The following TTN variants were observed in gnomAD, a reference collection of about 807,000 sequenced individuals.
TTN encodes the protein connectin.
Under a neutral mutation model 3,223.0 loss-of-function variants are expected in TTN, and 1,525 were observed. The observed-to-expected ratio is 0.47, with a 90% CI of 0.45 to 0.49. TTN has a LOEUF of 0.49. Among genes scored for constraint, TTN ranks in the 20% least tolerant of loss-of-function variants. The pLI is 0.00. For synonymous variants in TTN, 14,094 were observed against 15,161.0 expected, an observed-to-expected ratio of 0.93 and a Z score of 5.17; for missense variants, 40,786 against 43,424.0, an observed-to-expected ratio of 0.94 and a Z score of 5.40.
Position 178,598,836 on chromosome 2 carries a change from G to C in TTN, c.56874C>G (p.Asp18958Glu). The C allele has an allele frequency of 1.2e-6, 2 of 1,613,296 alleles. No homozygotes were observed. The highest frequency in any genetic ancestry group is 1.7e-6 in the Non-Finnish European group (2 of 1,179,494). Residue 18958 changes from aspartate (D) to glutamate (E), a missense_variant, in exon 291 of 363, where the codon GAC (aspartate) becomes GAG (glutamate). Transcript: ENST00000589042. ...YKVTGLIEGSDYQFRVYAINA... is the reference protein window; with the variant it reads ...YKVTGLIEGSEYQFRVYAINA... ...TGATTGCATATACCCGGAATTGATA[G>C]TCGGAACCTTCAATAAGACCAGTCA...
intron 18 of TTN, 51 bp from the exon 19 acceptor site, chr2:178,782,653 G>A: frequency 6.2e-7 from 1 of 1,608,248 alleles, no homozygotes; most frequent in South Asian, 1.1e-5. Context: ...AGTGACCCCT[G>A]CTTAGCACTG....
At position 178,586,589 on chromosome 2, in the gene TTN, T is replaced by C; in HGVS notation, c.64312A>G (p.Lys21438Glu). 6.2e-7 allele frequency: 1 copy of C among 1,613,264 alleles called. No homozygotes were observed. Among genetic ancestry groups the C allele is most frequent in the Non-Finnish European group, 8.5e-7 (1 of 1,179,428 alleles). Residue 21438 changes from lysine to glutamate, a missense_variant, in exon 308 of 363, where the codon AAA becomes GAA. Lys to Glu is a moderately conservative substitution (Grantham distance 56). Coordinates refer to ENST00000589042, the MANE Select transcript of TTN (RefSeq NM_001267550.2). ...VTGLKEGKKY[K>E]FRVAARNAVG... is the part of the protein sequence containing the mutation. Reference sequence around the variant, plus strand: ...GCATTTCTGGCCGCTACTCTAAATTTGTATTTCTTTCCTTCCTTTAGGCCA... The same window carrying C: ...GCATTTCTGGCCGCTACTCTAAATTCGTATTTCTTTCCTTCCTTTAGGCCA...
Position 178,649,603 on chromosome 2 carries a change from TG to T in TTN, c.39923del (p.Pro13308GlnfsTer2). The T allele has an allele frequency of 6.5e-7, 1 of 1,550,286 alleles. No homozygotes were observed. Among genetic ancestry groups the T allele is most frequent in the Non-Finnish European group, 8.7e-7 (1 of 1,146,626 alleles). Reference protein sequence around the residue: ...KEPEMPKKVVPVKKVPTVKKP... With the variant: ...KEPEMPKKVVXVKKVPTVKKP... ...TCTTAACAGTTGGGACCTTCTTCACTGGAACAACTTTCTTTGGCATCTCAGG... is the reference window on the plus strand; with the variant it reads ...TCTTAACAGTTGGGACCTTCTTCACTGAACAACTTTCTTTGGCATCTCAGG... On this transcript the variant is annotated frameshift_variant, in exon 212 of 363. Coordinates refer to ENST00000589042, the MANE Select transcript of TTN (RefSeq NM_001267550.2). LOFTEE classifies it high-confidence loss of function.
chr2:178,567,804 T>G lies in TTN; in HGVS notation c.78328A>C (p.Thr26110Pro). 1 of 1,613,556 alleles carries G rather than the reference T, an allele frequency of 6.2e-7. No individual in the cohort carries two copies. Among genetic ancestry groups the G allele is most frequent in the Non-Finnish European group, 8.5e-7 (1 of 1,179,592 alleles). ...CTTCCACCATCATACACAGGTTTGG[T>G]CCACTGTAAAGTGATTTCATTTCTT... Reference protein sequence around the residue: ...VKRNEITLQWTKPVYDGGSMI... With the variant: ...VKRNEITLQWPKPVYDGGSMI... Residue 26110 changes from threonine (T) to proline (P), a missense_variant, in exon 326 of 363, where the codon ACC becomes CCC. Thr to Pro is a conservative substitution (Grantham distance 38). Coordinates refer to ENST00000589042, the MANE Select transcript of TTN (RefSeq NM_001267550.2).
In TTN at chr2:178,543,217, A is replaced by G. The variant is rs752935152; in HGVS notation, c.96756T>C (p.Val32252=). 5 of 1,613,752 alleles carry G rather than the reference A, an allele frequency of 3.1e-6. No individual in the cohort carries two copies. Among genetic ancestry groups the G allele is most frequent in the Non-Finnish European group, 3.4e-6 (4 of 1,179,766 alleles). ...CTAGGACTGTGGGTTTTAAGGTGAC[A>G]ACCTTCATCCATCTCTCTGTGCCAG... is the stretch of plus-strand genomic sequence containing the variant. The part of the protein sequence containing the change: ...CKAGTERWMK[V]VTLKPTVLEH... The change falls in exon 347 of 363, where the codon GTT becomes GTC. Residue 32252 remains valine (V), a synonymous_variant. Coordinates refer to ENST00000589042, the MANE Select transcript of TTN (RefSeq NM_001267550.2).
rs371452173 is a variant in TTN, at chr2:178,689,077, C to T, written c.32071G>A (p.Ala10691Thr). ...EEKVAVPVPVAKKAPPPRAEV... is the reference protein window; with the variant it reads ...EEKVAVPVPVTKKAPPPRAEV... ...CCTCGGGGAGGAGGAGCTTTCTTAG[C>T]GACAGGAACTGGCACTGCAACTTTC... Residue 10691 changes from alanine to threonine, a missense_variant, in exon 125 of 363, where the codon GCT becomes ACT. Physicochemically the swap from Ala to Thr is moderately conservative, Grantham distance 58. Transcript: ENST00000589042. The T allele has an allele frequency of 5.3e-5, 85 of 1,603,502 alleles. No individual in the cohort carries two copies. In the African/African-American group the frequency reaches 6.6e-4, roughly 12 times the overall value.
Position 178,614,252 on chromosome 2 carries a change from T to C in TTN, c.49145A>G (p.Lys16382Arg). The change falls in exon 262 of 363, where the codon AAG (lysine) becomes AGG (arginine). Residue 16382 changes from lysine to arginine, a missense_variant. Lys to Arg is a conservative substitution (Grantham distance 26). Transcript: ENST00000589042. ...TCTCTCCACAACATAGTTTGTGATC[T>C]TAGATCCACCATCATCGCGTGGTGG... ...WNPPRDDGGSKITNYVVERRA... is the reference protein window; with the variant it reads ...WNPPRDDGGSRITNYVVERRA... 4 of 1,612,672 alleles carry C rather than the reference T, an allele frequency of 2.5e-6. No individual in the cohort carries two copies. The highest frequency in any genetic ancestry group is 2.5e-6 in the Non-Finnish European group (3 of 1,179,284).
At position 178,741,963 on chromosome 2, in the gene TTN, A is replaced by C. The variant is rs775397210; in HGVS notation, c.11312-42T>G. On this transcript the variant is annotated intron_variant, in intron 47 of 362. Transcript: ENST00000589042. Reference sequence around the variant, plus strand: ...GATTATTATTTTACTATAAAATTTTATTTAATATAAAAATAGAAATCAAAG... The same window carrying C: ...GATTATTATTTTACTATAAAATTTTCTTTAATATAAAAATAGAAATCAAAG... 2.3e-6 allele frequency: 3 copies of C among 1,293,886 alleles called. No individual in the cohort carries two copies. The South Asian group carries it at 7.3e-5, about 32-fold the overall frequency. The allele number at this position is 1,293,886 out of a possible 1,614,324, so 80.2% of individuals were successfully genotyped here. A position where few individuals can be genotyped will look rare whatever the true frequency, so the allele number is the denominator to read the frequency against.
At position 178,551,607 on chromosome 2, in the gene TTN, G is replaced by C. The variant is rs1054931064; in HGVS notation, c.91270+23C>G. On this transcript the variant is annotated intron_variant, in intron 335 of 362. Coordinates refer to ENST00000589042, the MANE Select transcript of TTN (RefSeq NM_001267550.2). ...AATATGTTCAATTGCTAAACTAAAT[G>C]TATTTGAATAATAATCACTTACCTA... 2.0e-6 allele frequency: 3 copies of C among 1,525,544 alleles called. No individual in the cohort carries two copies. In the African/African-American group the frequency reaches 4.2e-5, roughly 21 times the overall value. The allele number at this position is 1,525,544 out of a possible 1,614,324, so 94.5% of individuals were successfully genotyped here.
rs1212401338 is a variant in TTN at position 178,599,176 on chromosome 2, T to C, written c.56617A>G (p.Ser18873Gly). 2.7e-6 allele frequency: 4 copies of C among 1,506,686 alleles called. No individual in the cohort carries two copies. In the East Asian group the frequency reaches 6.9e-5, roughly 26 times the overall value. 93.3% of individuals were successfully genotyped at this position (1,506,686 alleles called of 1,614,324 possible). ...AGGTTTCTTGCTGTTTCAGGTTCACTGTCAAGAGGTTCTCCAATGCCATAT... is the reference window on the plus strand; with the variant it reads ...AGGTTTCTTGCTGTTTCAGGTTCACCGTCAAGAGGTTCTCCAATGCCATAT... ...NKYGIGEPLD[S>G]EPETARNLFS... Residue 18873 changes from serine (S) to glycine (G), a missense_variant, in exon 290 of 363, where the codon AGT (serine) becomes GGT (glycine). By Grantham distance (56) the Ser-to-Gly change is moderately conservative. Coordinates refer to ENST00000589042, the MANE Select transcript of TTN (RefSeq NM_001267550.2).
At position 178,635,067 on chromosome 2, in the gene TTN, C is replaced by T. The variant is rs1018572490; in HGVS notation, c.42024+98G>A. ...GAGACTTTAGAAGACTCCATTAACT[C>T]CATTATTATTAAAGCAACCCGAATC... On this transcript the variant is annotated intron_variant, in intron 228 of 362. Transcript: ENST00000589042. 1.1e-5 allele frequency: 17 copies of T among 1,528,384 alleles called. No homozygotes were observed. In the African/African-American group the frequency reaches 2.1e-4, roughly 19 times the overall value. 94.7% of individuals were successfully genotyped at this position (1,528,384 alleles called of 1,614,324 possible).
chr2:178,800,249 T>C (rs2093989824), intron 4 of TTN, 146 bp downstream of exon 4: 1 of 1,070,858 alleles, frequency 9.3e-7, no homozygotes, highest in South Asian at 1.5e-5. Context: ...CTCAGGGACT[T>C]TTCATGGGTG....
intron 20 of TTN, 100 bp downstream of exon 20, chr2:178,782,112 A>G (rs1430498988): frequency 2.9e-6 from 4 of 1,371,298 alleles, no homozygotes; most frequent in Admixed American, 1.8e-5. Context: ...ACAATGAAAG[A>G]GCCTATGCTC....
Position 178,609,048 on chromosome 2 carries a change from C to G in TTN, c.52103-140G>C, listed in dbSNP as rs1386476337. 5 of 1,297,206 alleles carry G rather than the reference C, an allele frequency of 3.9e-6. No homozygotes were observed. In the African/African-American group the frequency reaches 6.0e-5, roughly 15 times the overall value. 80.4% of individuals were successfully genotyped at this position (1,297,206 alleles called of 1,614,324 possible). ...TTGTATTCCATTAGCTAATAAATAA[C>G]AAGATCAGGTGATTTCTTTTACATG... On this transcript the variant is annotated intron_variant, in intron 273 of 362. Coordinates refer to ENST00000589042, the MANE Select transcript of TTN (RefSeq NM_001267550.2).
chr2:178,634,249 A>G lies in TTN; in HGVS notation c.42415+117T>C, dbSNP rs1271713710. 2.7e-6 allele frequency: 4 copies of G among 1,488,694 alleles called. No homozygotes were observed. The highest frequency in any genetic ancestry group is 2.8e-5 in the African/African-American group (2 of 70,552). 92.2% of individuals were successfully genotyped at this position (1,488,694 alleles called of 1,614,324 possible). A position where few individuals can be genotyped will look rare whatever the true frequency, so the allele number is the denominator to read the frequency against. Reference sequence around the variant, plus strand: ...AATTAAGGGGGGTTGTTTTGGTAACACTGTGAAAGTTAATTAGTGATGCAT... The same window carrying G: ...AATTAAGGGGGGTTGTTTTGGTAACGCTGTGAAAGTTAATTAGTGATGCAT... On this transcript the variant is annotated intron_variant, in intron 230 of 362. Coordinates refer to ENST00000589042, the MANE Select transcript of TTN (RefSeq NM_001267550.2). This position sits in a 1 kb window ranked among gnomAD's most constrained non-coding sequence, Gnocchi z 4.6.
In TTN at chr2:178,733,307, C is replaced by T. The variant is rs202234492; in HGVS notation, c.15986G>A (p.Gly5329Asp). Residue 5329 changes from glycine (G) to aspartate (D), a missense_variant, in exon 54 of 363, where the codon GGC (glycine) becomes GAC (aspartate). Transcript: ENST00000589042. The part of the protein sequence containing the change: ...KFYSAELHDS[G>D]QYTFEISNEV... ...ATTGGAAATCTCAAATGTGTATTGG[C>T]CACTGTCGTGCAGCTCAGCTGAATA... The T allele has an allele frequency of 3.8e-4, 609 of 1,613,474 alleles. 2 individuals carry two copies. The highest frequency in any genetic ancestry group is 4.7e-4 in the Non-Finnish European group (551 of 1,179,666).
rs1418971731 is a variant in TTN, at chr2:178,746,092, G to T, written c.11312-4171C>A. On this transcript the variant is annotated intron_variant, in intron 47 of 362. Coordinates refer to ENST00000589042, the MANE Select transcript of TTN (RefSeq NM_001267550.2). Reference sequence around the variant, plus strand: ...GACAGACATTTCGAATTTTAAGAGTGTGACTTCCCTTCTCCTCGCTAATCA... The same window carrying T: ...GACAGACATTTCGAATTTTAAGAGTTTGACTTCCCTTCTCCTCGCTAATCA... 2.5e-6 allele frequency: 4 copies of T among 1,613,338 alleles called. No individual in the cohort carries two copies. In the Admixed American group the frequency reaches 5.0e-5, roughly 20 times the overall value.
At position 178,731,015 on chromosome 2, in the gene TTN, AAAT is replaced by A. The variant is rs2080384018; in HGVS notation, c.17647_17649del (p.Ile5883del). 6.2e-7 allele frequency: 1 copy of A among 1,613,514 alleles called. No homozygotes were observed. The highest frequency in any genetic ancestry group is 1.3e-5 in the African/African-American group (1 of 74,898). On this transcript the variant is annotated inframe_deletion, in exon 60 of 363. Coordinates refer to ENST00000589042, the MANE Select transcript of TTN (RefSeq NM_001267550.2). ...TCTCCACTATCTTTCTTTTCTGTAGAAATAATCTTCAGTATTGAGACTGTATCA... is the reference window on the plus strand; with the variant it reads ...TCTCCACTATCTTTCTTTTCTGTAGAAATCTTCAGTATTGAGACTGTATCA...
Position 178,536,504 on chromosome 2 carries a change from G to T in TTN, c.100243C>A (p.Pro33415Thr). ...TKDSCVVAWK[P>T]PASDGGAKIR... ...TTTGCACCTCCATCACTGGCAGGTGGCTTCCAGGCCACAACACAAGAATCT... is the reference window on the plus strand; with the variant it reads ...TTTGCACCTCCATCACTGGCAGGTGTCTTCCAGGCCACAACACAAGAATCT... Residue 33415 changes from proline (P) to threonine (T), a missense_variant, in exon 357 of 363, where the codon CCA becomes ACA. Pro to Thr is a conservative substitution (Grantham distance 38). Coordinates refer to ENST00000589042, the MANE Select transcript of TTN (RefSeq NM_001267550.2). 1 of 1,560,138 alleles carries T rather than the reference G, an allele frequency of 6.4e-7. No homozygotes were observed. Among genetic ancestry groups the T allele is most frequent in the Non-Finnish European group, 8.7e-7 (1 of 1,154,060 alleles).
Sources: allele counts gnomAD v4.1 joint callset, GRCh38; gene constraint gnomAD v4.1.1; non-coding constraint Gnocchi (gnomAD v3.1); transcripts MANE v1.5; gene names NCBI Gene and HGNC (gene_info 2026-07-23, HGNC 2026-07-21).